PCDHGB3: variants seen among roughly 807,000 people sequenced by gnomAD.
PCDHGB3 encodes the protein protocadherin gamma subfamily B, 3.
A neutral mutation model predicts 59.2 loss-of-function variants in PCDHGB3; 40 were observed. That is an observed-to-expected ratio of 0.68 (90% CI 0.52 to 0.88). The LOEUF (loss-of-function observed/expected upper bound fraction) is 0.88. Ranked by LOEUF, PCDHGB3 falls within the 40% of genes least tolerant of loss-of-function variation. PCDHGB3 has a pLI of 0.00. For synonymous variants in PCDHGB3, 581 were observed against 503.6 expected, an observed-to-expected ratio of 1.15 and a Z score of -2.06; for missense variants, 1,309 against 1,187.9, an observed-to-expected ratio of 1.10 and a Z score of -1.50.
chr5:141,501,789 C>T (rs367954511), intron 2 of PCDHGB3, among the ~76,000 whole-genome samples: 1 of 152,262 alleles, frequency 6.6e-6, no homozygotes, highest in South Asian at 2.1e-4. Context: ...TCTCCCTCTG[C>T]TCATCTCTTA....
At chr5:141,405,397 T>A (rs1383127737) in intron 1 of PCDHGB3, 3 of 1,591,464 alleles carry the variant, frequency 1.9e-6, no homozygotes, top group Admixed American at 1.8e-5. Context: ...TTTTTTTCTT[T>A]CTTTCTTTTC....
intron 1 of PCDHGB3, chr5:141,410,847 GTCT>G: frequency 6.3e-6 from 1 of 158,248 alleles, no homozygotes. Context: ...TTTTGTCTTT[GTCT>G]TTTTTTTTTT....
intron 1 of PCDHGB3, among the ~76,000 whole-genome samples, chr5:141,420,713 G>GT (rs1303648273): frequency 3.3e-5 from 5 of 152,078 alleles, no homozygotes; most frequent in African/African-American, 1.2e-4. Context: ...CAGAAATGTC[G>GT]TTCCTTTCAG....
At position 141,389,973 on chromosome 5, in the gene PCDHGB3, A is replaced by C. The variant is rs375422602; in HGVS notation, c.2415+17164A>C. On this transcript the variant is annotated intron_variant, in intron 1 of 3. Coordinates refer to ENST00000576222, the MANE Select transcript of PCDHGB3 (RefSeq NM_018924.5). Reference sequence around the variant, plus strand: ...TTACCTAGTGGTGGCCTTGGCCTTGATCTCAGTGCTCTTCCTCGTGGCCAT... The same window carrying C: ...TTACCTAGTGGTGGCCTTGGCCTTGCTCTCAGTGCTCTTCCTCGTGGCCAT... 82 of 1,613,684 alleles carry C rather than the reference A, an allele frequency of 5.1e-5. No homozygotes were observed. The highest frequency in any genetic ancestry group is 6.5e-5 in the Non-Finnish European group (77 of 1,179,850).
chr5:141,494,323 A>T (rs1188768690), intron 1 of PCDHGB3, among the ~76,000 whole-genome samples: 1 of 152,210 alleles, frequency 6.6e-6, no homozygotes, highest in Non-Finnish European at 1.5e-5. Flanking sequence ...CCTGGCACCA[A>T]AAGGGTTACC....
chr5:141,380,135 A>G lies in PCDHGB3; in HGVS notation c.2415+7326A>G, dbSNP rs142315554. 7.2e-4 allele frequency among the ~76,000 whole-genome samples: 110 copies of G among 151,952 alleles called. 5 individuals carry two copies. The East Asian group carries it at 0.018, about 25-fold the overall frequency. On this transcript the variant is annotated intron_variant, in intron 1 of 3. Transcript: ENST00000576222. ...GGCTGGTCTCAAACTCCTGACCTTA[A>G]GTGATCCACCCGCCTCAGCCTCTCA...
rs144222319 is a variant in PCDHGB3, at chr5:141,505,519, C to T, written c.2563+38C>T. ...AGTGTGTGTATGGAAGAGTGGGAGACCTGGGGTTCTGGGGTGCATCTCACA... is the reference window on the plus strand; with the variant it reads ...AGTGTGTGTATGGAAGAGTGGGAGATCTGGGGTTCTGGGGTGCATCTCACA... On this transcript the variant is annotated intron_variant, in intron 3 of 3. Coordinates refer to ENST00000576222, the MANE Select transcript of PCDHGB3 (RefSeq NM_018924.5). The T allele has an allele frequency of 1.5e-3, 2,491 of 1,613,690 alleles. 3 individuals carry two copies. The highest frequency in any genetic ancestry group is 2.6e-3 in the Middle Eastern group (16 of 6,060).
rs1769049237 is a variant in PCDHGB3, at chr5:141,372,762, A to G, written c.2368A>G (p.Ser790Gly). The change falls in exon 1 of 4, where the codon AGT becomes GGT. Residue 790 changes from serine (S) to glycine (G), a missense_variant. Ser to Gly is a moderately conservative substitution (Grantham distance 56). Coordinates refer to ENST00000576222, the MANE Select transcript of PCDHGB3 (RefSeq NM_018924.5). ...ATGTGATGAAGCCTCTTGGTTTGAA[A>G]GTAATGACAATCCAGAAATGCCTTC... is the stretch of plus-strand genomic sequence containing the variant. ...LLCDEASWFE[S>G]NDNPEMPSNS... 6.2e-7 allele frequency: 1 copy of G among 1,612,570 alleles called. No individual in the cohort carries two copies. The highest frequency in any genetic ancestry group is 1.1e-5 in the South Asian group (1 of 90,832).
chr5:141,414,659 T>C lies in PCDHGB3; in HGVS notation c.2415+41850T>C, dbSNP rs566999623. On this transcript the variant is annotated intron_variant, in intron 1 of 3. Coordinates refer to ENST00000576222, the MANE Select transcript of PCDHGB3 (RefSeq NM_018924.5). ...GAGAATGCCCAGATTATTTACTCCC[T>C]GGCTGAAGACACCATCCAGGGGGTA... 21 of 1,614,010 alleles carry C rather than the reference T, an allele frequency of 1.3e-5. No homozygotes were observed. In the South Asian group the frequency reaches 2.2e-4, roughly 17 times the overall value.
chr5:141,381,133 C>A (rs1285338974), intron 1 of PCDHGB3, among the ~76,000 whole-genome samples: 2 of 152,202 alleles, frequency 1.3e-5, no homozygotes, highest in East Asian at 1.9e-4. Context: ...TGGAGCAATG[C>A]CACCAGAAAG....
chr5:141,384,002 T>C, intron 1 of PCDHGB3: 1 of 1,613,878 alleles, frequency 6.2e-7, no homozygotes, highest in South Asian at 1.1e-5. Flanking sequence ...GTCATTGCTC[T>C]TTTCTACCTA....
Position 141,511,656 on chromosome 5 carries a change from C to T in PCDHGB3, c.*483C>T, listed in dbSNP as rs2099883892. On this transcript the variant is annotated 3_prime_UTR_variant, in exon 4 of 4. Transcript: ENST00000576222. ...GGGCATCATGACCTCTTGGCCTCTC[C>T]TTTGATTCTCAATCTTCCCCCAAAG... is the stretch of plus-strand genomic sequence containing the variant. 4.9e-6 allele frequency: 1 copy of T among 206,024 alleles called. No individual in the cohort carries two copies. The highest frequency in any genetic ancestry group is 5.2e-5 in the Admixed American group (1 of 19,114). 12.8% of individuals were successfully genotyped at this position (206,024 alleles called of 1,614,324 possible).
intron 1 of PCDHGB3, chr5:141,416,339 A>T (rs2096016775): frequency 6.6e-6 from 1 of 152,218 alleles, no homozygotes; most frequent in African/African-American, 2.4e-5. Context: ...TCATTGCTCA[A>T]TAGGGATCCT....
At position 141,384,421 on chromosome 5, in the gene PCDHGB3, A is replaced by T. The variant is rs764678416; in HGVS notation, c.2415+11612A>T. The T allele has an allele frequency of 1.9e-6, 3 of 1,613,914 alleles. No homozygotes were observed. In the South Asian group the frequency reaches 3.3e-5, roughly 18 times the overall value. ...TCCAGTGTCCTCCTATGTCTCCATA[A>T]ACTCTGACACTGGAGTCCTGTACGC... On this transcript the variant is annotated intron_variant, in intron 1 of 3. Transcript: ENST00000576222.
rs140184617 is a variant in PCDHGB3, at chr5:141,405,523, G to A, written c.2415+32714G>A. ...CAACCTCCGCCTCCCAAATTCAAGC[G>A]ATTCTCCTGCCTCAGCCTCCCAAGT... is the stretch of plus-strand genomic sequence containing the variant. On this transcript the variant is annotated intron_variant, in intron 1 of 3. Transcript: ENST00000576222. 5.4e-4 allele frequency: 366 copies of A among 679,318 alleles called. 4 individuals carry two copies. In the East Asian group the frequency reaches 9.7e-3, roughly 18 times the overall value. The allele number at this position is 679,318 out of a possible 1,614,324, so 42.1% of individuals were successfully genotyped here.
At position 141,493,157 on chromosome 5, in the gene PCDHGB3, T is replaced by C. The variant is rs1261889479; in HGVS notation, c.2416-1650T>C. ...TTGAAACACCCCCAGGTGATTTTGATAGCTGATTGAGAGAAACTTACTATA... is the reference window on the plus strand; with the variant it reads ...TTGAAACACCCCCAGGTGATTTTGACAGCTGATTGAGAGAAACTTACTATA... On this transcript the variant is annotated intron_variant, in intron 1 of 3. Coordinates refer to ENST00000576222, the MANE Select transcript of PCDHGB3 (RefSeq NM_018924.5). This position sits in a 1 kb window ranked among gnomAD's most constrained non-coding sequence, Gnocchi z 4.3. 2.0e-5 allele frequency among the ~76,000 whole-genome samples: 3 copies of C among 152,224 alleles called. No individual in the cohort carries two copies. Among genetic ancestry groups the C allele is most frequent in the Admixed American group, 6.5e-5 (1 of 15,286 alleles).
chr5:141,482,530 C>CAAAAAAAAAAAAAAAAA (rs3074545), intron 1 of PCDHGB3, among the ~76,000 whole-genome samples: 1 of 76,562 alleles, frequency 1.3e-5, no homozygotes, highest in African/African-American at 4.8e-5. Flanking sequence ...GACAGACATG[C>CAAAAAAAAAAAAAAAAA]AAAAAAAAAA....
intron 1 of PCDHGB3, among the ~76,000 whole-genome samples, chr5:141,469,004 C>T (rs570896326): frequency 3.3e-5 from 5 of 151,802 alleles, no homozygotes; most frequent in Admixed American, 2.0e-4. Flanking sequence ...TTGCTGGGTG[C>T]GGTGGGTCAC....
In PCDHGB3 at chr5:141,489,189, C is replaced by A; in HGVS notation, c.2416-5618C>A. 1 of 1,341,534 alleles carries A rather than the reference C, an allele frequency of 7.5e-7. No homozygotes were observed. The highest frequency in any genetic ancestry group is 1.0e-6 in the Non-Finnish European group (1 of 975,280). 83.1% of individuals were successfully genotyped at this position (1,341,534 alleles called of 1,614,324 possible). A position where few individuals can be genotyped will look rare whatever the true frequency, so the allele number is the denominator to read the frequency against. On this transcript the variant is annotated intron_variant, in intron 1 of 3. Transcript: ENST00000576222. This position sits in a 1 kb window ranked among gnomAD's most constrained non-coding sequence, Gnocchi z 4.5. ...TGCTGCATTCCAAGCCCTGGGTCTA[C>A]CTTGGAGACAGGACAGCACAGACTT...
Sources: allele counts gnomAD v4.1 joint callset (sites outside exome capture counted in the v4.1 genomes callset), GRCh38; gene constraint gnomAD v4.1.1; non-coding constraint Gnocchi (gnomAD v3.1); transcripts MANE v1.5; gene names NCBI Gene and HGNC (gene_info 2026-07-23, HGNC 2026-07-21).